ACADVL: variants seen among roughly 807,000 people sequenced by gnomAD.
ACADVL encodes acyl-CoA dehydrogenase very long chain, also known as very long-chain acyl-CoA dehydrogenase, mitochondrial.
A neutral mutation model predicts 80.4 loss-of-function variants in ACADVL; 73 were observed. The observed-to-expected ratio is 0.91, with a 90% CI of 0.75 to 1.10. The LOEUF is 1.10. Among genes scored for constraint, ACADVL ranks in the 50% least tolerant of loss-of-function variants. The pLI is 0.00. For missense variants in ACADVL, 878 were observed against 858.9 expected (o/e 1.02, Z -0.28); for synonymous variants, 392 against 326.5 (o/e 1.20, Z -2.16).
Position 7,222,278 on chromosome 17 carries a change from A to G in ACADVL, c.854A>G (p.Glu285Gly). 6.2e-7 allele frequency: 1 copy of G among 1,613,988 alleles called. No homozygotes were observed. The highest frequency in any genetic ancestry group is 8.5e-7 in the Non-Finnish European group (1 of 1,179,988). The change falls in exon 9 of 20, where the codon GAG becomes GGG. Residue 285 changes from glutamate to glycine, a missense_variant. Coordinates refer to ENST00000356839, the MANE Select transcript of ACADVL (RefSeq NM_000018.4). The part of the protein sequence containing the change: ...VKEKITAFVV[E>G]RGFGGITHGP... ...GAGAAGATCACAGCTTTTGTGGTGG[A>G]GAGGGGCTTCGGGGGCATTACCCAG...
In ACADVL at chr17:7,223,687, C is replaced by T. The variant is rs113994169; in HGVS notation, c.1226C>T (p.Thr409Met). The T allele has an allele frequency of 5.1e-5, 83 of 1,614,120 alleles. No individual in the cohort carries two copies. The East Asian group carries it at 7.6e-4, about 15-fold the overall frequency. ...AGTGCTAACATGGACCAGGGAGCCA[C>T]GGACTTCCAGATAGAGGCCGCCATC... ...MVSANMDQGA[T>M]DFQIEAAISK... Residue 409 changes from threonine (T) to methionine (M), a missense_variant, in exon 12 of 20, where the codon ACG becomes ATG. Coordinates refer to ENST00000356839, the MANE Select transcript of ACADVL (RefSeq NM_000018.4).
At chr17:7,217,796 G>T (rs749549400), upstream of ACADVL, 15 of 1,535,384 alleles carry the variant, frequency 9.8e-6, no homozygotes, top group Middle Eastern at 1.7e-4. Flanking sequence ...CCAGCCACCA[G>T]CGATGACAGC....
In ACADVL at chr17:7,221,485, G is replaced by T. The variant is rs1237442510; in HGVS notation, c.478-53G>T. 8 of 1,613,232 alleles carry T rather than the reference G, an allele frequency of 5.0e-6. No homozygotes were observed. The African/African-American group carries it at 1.1e-4, about 22-fold the overall frequency. On this transcript the variant is annotated intron_variant, in intron 6 of 19. Transcript: ENST00000356839. ...CCTGTTGCCCACACTCTCCTGTTAAGGTCAGGTCCCCCTGCAGCCAGTGAC... is the reference window on the plus strand; with the variant it reads ...CCTGTTGCCCACACTCTCCTGTTAATGTCAGGTCCCCCTGCAGCCAGTGAC...
chr17:7,223,600 C>G (rs1240972291), intron 11 of ACADVL, 44 bp from the exon 12 acceptor site: 1 of 1,604,964 alleles, frequency 6.2e-7, no homozygotes. Flanking sequence ...TCTGACAAAG[C>G]CCTTTGCAAT....
intron 12 of ACADVL, 26 bp downstream of exon 12, chr17:7,223,756 G>A (rs1327791661): frequency 6.2e-6 from 10 of 1,614,014 alleles, no homozygotes; most frequent in East Asian, 2.2e-5. Context: ...TGCTGGGAGG[G>A]AGTCCAGTTT....
At chr17:7,223,429 C>A in intron 11 of ACADVL, 192 bp downstream of exon 11, 1 of 796,244 alleles carries the variant, frequency 1.3e-6, no homozygotes, top group East Asian at 2.5e-5. Context: ...CAGGTGCCTG[C>A]CAGCAGTACC....
At chr17:7,221,860 G>A (rs537585360) in intron 7 of ACADVL, 92 bp from the exon 8 acceptor site, 7 of 1,606,124 alleles carry the variant, frequency 4.4e-6, no homozygotes, top group South Asian at 1.1e-5. Flanking sequence ...CAGGTGTTAA[G>A]GGGGAACTGC....
chr17:7,222,213 C>T lies in ACADVL; in HGVS notation c.789C>T (p.Ala263=), dbSNP rs532457524. 6.2e-7 allele frequency: 1 copy of T among 1,614,032 alleles called. No individual in the cohort carries two copies. Among genetic ancestry groups the T allele is most frequent in the African/African-American group, 1.3e-5 (1 of 75,010 alleles). ...TAGCAGACATCTTCACGGTCTTTGC[C>T]AAGACACCAGTTACAGATCCAGCCA... ...GGLADIFTVF[A]KTPVTDPATG... is the part of the protein sequence containing the mutation. Residue 263 remains alanine, a synonymous_variant, in exon 9 of 20, where the codon GCC becomes GCT. Transcript: ENST00000356839.
In ACADVL at chr17:7,223,191, T is replaced by C. The variant is rs751924167; in HGVS notation, c.1136T>C (p.Ile379Thr). ...FGEKIHNFGL[I>T]QEKLARMVML... ...GAGAAAATTCACAACTTTGGGCTGA[T>C]CCAGGAGAAGCTGGCACGGATGGTT... Residue 379 changes from isoleucine (I) to threonine (T), a missense_variant, in exon 11 of 20, where the codon ATC (isoleucine) becomes ACC (threonine). By Grantham distance (89) the Ile-to-Thr change is moderately conservative. Transcript: ENST00000356839. 3.1e-6 allele frequency: 5 copies of C among 1,614,146 alleles called. No homozygotes were observed. In the South Asian group the frequency reaches 4.4e-5, roughly 14 times the overall value.
In ACADVL at chr17:7,223,186, G is replaced by A. The variant is rs2142982245; in HGVS notation, c.1131G>A (p.Gly377=). The change falls in exon 11 of 20, where the codon GGG becomes GGA. Residue 377 remains glycine (G), a synonymous_variant. Transcript: ENST00000356839. Reference sequence around the variant, plus strand: ...TTGGGGAGAAAATTCACAACTTTGGGCTGATCCAGGAGAAGCTGGCACGGA... The same window carrying A: ...TTGGGGAGAAAATTCACAACTTTGGACTGATCCAGGAGAAGCTGGCACGGA... The part of the protein sequence containing the change: ...TQFGEKIHNF[G]LIQEKLARMV... 1.2e-6 allele frequency: 2 copies of A among 1,614,152 alleles called. No individual in the cohort carries two copies. The highest frequency in any genetic ancestry group is 1.7e-6 in the Non-Finnish European group (2 of 1,180,022).
At chr17:7,218,241 C>T, upstream of ACADVL, 1 of 1,609,060 alleles carries the variant, frequency 6.2e-7, no homozygotes. Context: ...ACCTCCTTAC[C>T]TGACTCTCTG....
upstream of ACADVL, chr17:7,219,020 T>C: frequency 1.5e-6 from 1 of 687,076 alleles, no homozygotes; most frequent in Non-Finnish European, 2.5e-6. Context: ...CCACACACCC[T>C]GGCCCCCTCT....
rs1014543042 is a variant in ACADVL, at chr17:7,223,747, G to A, written c.1269+17G>A. 1.2e-6 allele frequency: 2 copies of A among 1,613,928 alleles called. No homozygotes were observed. Among genetic ancestry groups the A allele is most frequent in the Non-Finnish European group, 1.7e-6 (2 of 1,179,920 alleles). On this transcript the variant is annotated intron_variant, in intron 12 of 19. Coordinates refer to ENST00000356839, the MANE Select transcript of ACADVL (RefSeq NM_000018.4). ...TTTGGCTCGGTGAGGTCCCAGGCAT[G>A]CTGGGAGGGAGTCCAGTTTGGGTGC...
intron 10 of ACADVL, 52 bp downstream of exon 10, chr17:7,222,917 C>T (rs1433235597): frequency 6.3e-7 from 1 of 1,594,366 alleles, no homozygotes. Flanking sequence ...TCTCACTGTC[C>T]CCCTTGCCAT....
chr17:7,218,498 T>C (rs1219407977), upstream of ACADVL: 2 of 1,536,602 alleles, frequency 1.3e-6, no homozygotes, highest in Admixed American at 2.0e-5. Flanking sequence ...AGTTCAGTAA[T>C]GGCCCTTGGA....
At chr17:7,217,963 C>A, upstream of ACADVL, 1 of 799,416 alleles carries the variant, frequency 1.3e-6, no homozygotes, top group Non-Finnish European at 2.0e-6. Flanking sequence ...CCCTGGGGGC[C>A]TAGTTCTCCC....
chr17:7,222,174 C>T lies in ACADVL; in HGVS notation c.753-3C>T. 6.2e-7 allele frequency: 1 copy of T among 1,614,192 alleles called. No individual in the cohort carries two copies. The highest frequency in any genetic ancestry group is 8.5e-7 in the Non-Finnish European group (1 of 1,180,044). On this transcript the variant is annotated splice_polypyrimidine_tract_variant and splice_region_variant and intron_variant, in intron 8 of 19. Coordinates refer to ENST00000356839, the MANE Select transcript of ACADVL (RefSeq NM_000018.4). ...ACGCCCTGAATATCCCATTCTTCCA[C>T]AGTAATGGGGGCCTAGCAGACATCT...
chr17:7,221,248 C>A, intron 6 of ACADVL, 190 bp downstream of exon 6: 1 of 1,069,972 alleles, frequency 9.3e-7, no homozygotes, highest in Non-Finnish European at 1.3e-6. Flanking sequence ...GAGCCATGGG[C>A]CTCACCCTGG....
At chr17:7,219,457 G>A, upstream of ACADVL, 1 of 1,029,134 alleles carries the variant, frequency 9.7e-7, no homozygotes, top group Non-Finnish European at 1.2e-6. Context: ...CATCTCAGAA[G>A]AATACACTTA....
Sources: allele counts gnomAD v4.1 joint callset, GRCh38; gene constraint gnomAD v4.1.1; transcripts MANE v1.5; gene names NCBI Gene and HGNC (gene_info 2026-07-23, HGNC 2026-07-21).